Variants in ATF7IP2 observed in about 807,000 individuals in gnomAD.
ATF7IP2 encodes activating transcription factor 7-interacting protein 2.
Under a neutral mutation model 64.2 loss-of-function variants are expected in ATF7IP2, and 42 were observed. The observed-to-expected ratio is 0.65, with a 90% confidence interval of 0.51 to 0.85. ATF7IP2 has a LOEUF of 0.85. ATF7IP2 is among the 40% of genes least tolerant of loss of function. ATF7IP2 has a pLI of 0.00. For synonymous variants in ATF7IP2, 308 were observed against 272.8 expected, an observed-to-expected ratio of 1.13 and a Z score of -1.27; for missense variants, 933 against 784.2, an observed-to-expected ratio of 1.19 and a Z score of -2.27.
intron 9 of ATF7IP2, among the ~76,000 whole-genome samples, chr16:10,470,002 A>G (rs537810789): frequency 5.3e-5 from 8 of 152,258 alleles, no homozygotes; most frequent in African/African-American, 9.6e-5. Context: ...GAATACATCA[A>G]CAGACCTACA....
At chr16:10,477,901 CA>C (rs2050071130) in intron 12 of ATF7IP2, among the ~76,000 whole-genome samples, 1 of 145,584 alleles carries the variant, frequency 6.9e-6, no homozygotes, top group African/African-American at 2.5e-5. Flanking sequence ...CTCCCATTCG[CA>C]ATTGCTTCAA....
intron 3 of ATF7IP2, among the ~76,000 whole-genome samples, chr16:10,422,494 TG>T (rs888264597): frequency 6.6e-6 from 1 of 152,194 alleles, no homozygotes. Flanking sequence ...AAGTTACAAT[TG>T]GTTGAATAGT....
chr16:10,426,070 CTCTT>C (rs2048080236), intron 3 of ATF7IP2, among the ~76,000 whole-genome samples: 1 of 151,984 alleles, frequency 6.6e-6, no homozygotes, highest in South Asian at 2.1e-4. Context: ...AGGTCCTTTC[CTCTT>C]TCTATGTGCT....
rs530408281 is a variant in ATF7IP2, at chr16:10,438,950, G to A, written c.1095+715G>A. ...TGCCTGTAGTCCCAGCTACTCAGGA[G>A]GCTGAGGCAGGAGAATTGCTTGAAC... On this transcript the variant is annotated intron_variant, in intron 7 of 13. Coordinates refer to ENST00000562102, the MANE Select transcript of ATF7IP2 (RefSeq NM_001393719.1). 2.0e-5 allele frequency among the ~76,000 whole-genome samples: 3 copies of A among 150,870 alleles called. No individual in the cohort carries two copies. In the East Asian group the frequency reaches 6.0e-4, roughly 30 times the overall value.
chr16:10,458,249 A>G (rs1472788947), intron 9 of ATF7IP2, among the ~76,000 whole-genome samples: 1 of 152,214 alleles, frequency 6.6e-6, no homozygotes, highest in East Asian at 1.9e-4. Context: ...CCCACATTTT[A>G]GTTTTAAGCC....
chr16:10,391,173 G>A (rs2047314613), intron 1 of ATF7IP2, among the ~76,000 whole-genome samples: 1 of 142,720 alleles, frequency 7.0e-6, no homozygotes, highest in African/African-American at 2.6e-5. Flanking sequence ...AAAAAAAAAT[G>A]TGCTGGGCGT....
chr16:10,415,940 A>T (rs542140096), intron 2 of ATF7IP2, among the ~76,000 whole-genome samples: 1 of 152,228 alleles, frequency 6.6e-6, no homozygotes, highest in Non-Finnish European at 1.5e-5. Flanking sequence ...TATTCAAAAG[A>T]CAGGTAATAT....
intron 9 of ATF7IP2, among the ~76,000 whole-genome samples, chr16:10,460,772 T>A (rs1463355905): frequency 2.6e-5 from 4 of 152,188 alleles, no homozygotes; most frequent in African/African-American, 9.6e-5. Flanking sequence ...AATGTCTTCA[T>A]GAACTTGGAT....
intron 5 of ATF7IP2, 48 bp from the exon 6 acceptor site, chr16:10,433,477 T>C (rs1372053856): frequency 7.6e-6 from 12 of 1,569,238 alleles, no homozygotes; most frequent in Non-Finnish European, 9.6e-6. Context: ...ACTGAACCTG[T>C]TTTTTTCTTT....
intron 11 of ATF7IP2, 119 bp from the exon 12 acceptor site, chr16:10,473,804 T>C: frequency 1.5e-6 from 1 of 679,620 alleles, no homozygotes. Flanking sequence ...ATGTTCCATC[T>C]CTAGTTTCCG....
intron 9 of ATF7IP2, among the ~76,000 whole-genome samples, chr16:10,468,128 C>G (rs2049650863): frequency 6.6e-6 from 1 of 152,014 alleles, no homozygotes. Flanking sequence ...GATCCTCCCA[C>G]CTCCACCTCC....
intron 6 of ATF7IP2, among the ~76,000 whole-genome samples, chr16:10,437,422 T>C (rs2048459218): frequency 6.6e-6 from 1 of 152,232 alleles, no homozygotes; most frequent in South Asian, 2.1e-4. Flanking sequence ...AAAACAATTA[T>C]GGAAGTAATG....
intron 8 of ATF7IP2, chr16:10,445,387 C>G (rs2141954652): frequency 6.6e-6 from 1 of 152,308 alleles, no homozygotes; most frequent in South Asian, 2.1e-4. Context: ...TCAGAGGAAA[C>G]AGCCACTTGT....
At chr16:10,434,651 G>T (rs990309491) in intron 6 of ATF7IP2, among the ~76,000 whole-genome samples, 5 of 152,186 alleles carry the variant, frequency 3.3e-5, no homozygotes, top group Admixed American at 2.6e-4. Context: ...TAAAAAATAT[G>T]TAAGTGTTCT....
chr16:10,439,155 TC>T (rs918079877), intron 7 of ATF7IP2, among the ~76,000 whole-genome samples: 46 of 152,300 alleles, frequency 3.0e-4, no homozygotes, highest in African/African-American at 1.1e-3. Context: ...GTTTTCCTCT[TC>T]TAGTATTACT....
intron 1 of ATF7IP2, among the ~76,000 whole-genome samples, chr16:10,395,203 G>C (rs1156533366): frequency 6.6e-6 from 1 of 151,884 alleles, no homozygotes; most frequent in African/African-American, 2.4e-5. Flanking sequence ...AATTCCAATT[G>C]TATGGTACTC....
chr16:10,389,473 C>T (rs543431597), intron 1 of ATF7IP2, among the ~76,000 whole-genome samples: 2 of 152,222 alleles, frequency 1.3e-5, no homozygotes, highest in African/African-American at 4.8e-5. Flanking sequence ...TGGAGGGAAA[C>T]TCTTGGAACT....
chr16:10,448,156 G>C (rs902013857), intron 8 of ATF7IP2: 1 of 152,224 alleles, frequency 6.6e-6, no homozygotes, highest in Non-Finnish European at 1.5e-5. Context: ...CCAGTACCAT[G>C]CTGTTTTGGT....
intron 1 of ATF7IP2, among the ~76,000 whole-genome samples, chr16:10,391,390 A>G (rs982839830): frequency 2.0e-5 from 3 of 152,282 alleles, no homozygotes; most frequent in South Asian, 2.1e-4. Flanking sequence ...ATTGCACTCC[A>G]GCCTGGGCAA....
Sources: gnomAD v4.1 joint callset for allele counts (sites outside exome capture counted in the v4.1 genomes callset) on GRCh38, gnomAD v4.1.1 for gene constraint, MANE v1.5 for transcripts, NCBI Gene and HGNC (gene_info 2026-07-23, HGNC 2026-07-21) for gene names.